EYS: variants seen among roughly 807,000 people sequenced by gnomAD.
EYS encodes the protein protein eyes shut homolog.
Under a neutral mutation model 282.1 loss-of-function variants are expected in EYS, and 250 were observed. The ratio of observed to expected loss-of-function variants is 0.89; its 90% CI spans 0.80 to 0.98. The LOEUF (loss-of-function observed/expected upper bound fraction) is 0.98, where lower values mean the gene tolerates loss of function less well. EYS is among the 50% of genes least tolerant of loss of function. The probability of loss-of-function intolerance (pLI) is 0.00; values close to 1 mark genes in which losing one functional copy is unlikely to be tolerated. For synonymous variants in EYS, 1,355 were observed against 1,282.9 expected (o/e 1.06, Z -1.20); for missense variants, 4,016 against 3,709.0 (o/e 1.08, Z -2.15).
In EYS at chr6:64,823,185, A is replaced by G. The variant is rs17486740; in HGVS notation, c.2993-363T>C. 9.9e-3 allele frequency among the ~76,000 whole-genome samples: 1,502 copies of G among 151,996 alleles called. 14 individuals are homozygous for G. Among genetic ancestry groups the G allele is most frequent in the Middle Eastern group, 0.021 (6 of 292 alleles). On this transcript the variant is annotated intron_variant, in intron 19 of 42. Coordinates refer to ENST00000503581, the MANE Select transcript of EYS (RefSeq NM_001142800.2). ...TTTGAGAGTCAAACGTTTATTACCT[A>G]CAAGAATTAAGAATGAGTTTGAAGT... is the stretch of plus-strand genomic sequence containing the variant.
intron 30 of EYS, among the ~76,000 whole-genome samples, chr6:64,294,627 T>C (rs1227470572): frequency 6.6e-6 from 1 of 152,174 alleles, no homozygotes; most frequent in Admixed American, 6.5e-5. Flanking sequence ...GCTTCAATTC[T>C]CATAGTGTCA....
chr6:64,398,715 A>T (rs888427038), intron 28 of EYS, among the ~76,000 whole-genome samples: 1 of 151,840 alleles, frequency 6.6e-6, no homozygotes, highest in African/African-American at 2.4e-5. Context: ...AAATCCTCCT[A>T]TCTGTATAAT....
intron 16 of EYS, among the ~76,000 whole-genome samples, chr6:64,903,694 C>A (rs1179958776): frequency 6.6e-6 from 1 of 152,122 alleles, no homozygotes; most frequent in Non-Finnish European, 1.5e-5. Flanking sequence ...AAAATTCCCT[C>A]GGTATTTTCT....
intron 22 of EYS, among the ~76,000 whole-genome samples, chr6:64,662,141 C>T (rs1274920188): frequency 1.3e-5 from 2 of 149,096 alleles, no homozygotes; most frequent in Non-Finnish European, 3.0e-5. Context: ...GGACAAAAAA[C>T]CAAACACCAC....
chr6:65,198,406 C>A (rs1765821426), intron 12 of EYS, among the ~76,000 whole-genome samples: 1 of 152,070 alleles, frequency 6.6e-6, no homozygotes, highest in African/African-American at 2.4e-5. Flanking sequence ...AATACATAAG[C>A]CAGTCTCACA....
intron 19 of EYS, among the ~76,000 whole-genome samples, chr6:64,857,816 G>T (rs528783998): frequency 1.3e-5 from 2 of 152,128 alleles, no homozygotes; most frequent in South Asian, 4.2e-4. Flanking sequence ...TAATGAGAGA[G>T]AATTAATTGT....
chr6:65,139,618 C>T (rs956992904), intron 12 of EYS, among the ~76,000 whole-genome samples: 1 of 152,084 alleles, frequency 6.6e-6, no homozygotes, highest in South Asian at 2.1e-4. Context: ...CCCGCTCCCA[C>T]CCTCATCTTC....
chr6:65,113,549 T>A (rs1775281588), intron 12 of EYS, among the ~76,000 whole-genome samples: 1 of 152,068 alleles, frequency 6.6e-6, no homozygotes, highest in Admixed American at 6.6e-5. Context: ...AATGGCAGTA[T>A]CTTCTAGCTG....
chr6:64,905,046 C>T (rs1277625213), intron 16 of EYS, among the ~76,000 whole-genome samples: 4 of 152,162 alleles, frequency 2.6e-5, no homozygotes, highest in Non-Finnish European at 5.9e-5. Context: ...TGCATAACAA[C>T]ATTTTGGTCA....
chr6:63,829,260 G>A (rs1034106081), intron 36 of EYS, among the ~76,000 whole-genome samples: 1 of 152,150 alleles, frequency 6.6e-6, no homozygotes, highest in Non-Finnish European at 1.5e-5. Context: ...GGAGCAAGGT[G>A]GGGTATCACC....
At chr6:64,199,250 A>G (rs1765391620) in intron 31 of EYS, among the ~76,000 whole-genome samples, 1 of 152,194 alleles carries the variant, frequency 6.6e-6, no homozygotes, top group Non-Finnish European at 1.5e-5. Flanking sequence ...AGACCAATGT[A>G]ACAGAACAGT....
At chr6:65,274,737 A>G (rs1172268609) in intron 12 of EYS, among the ~76,000 whole-genome samples, 1 of 152,138 alleles carries the variant, frequency 6.6e-6, no homozygotes, top group Non-Finnish European at 1.5e-5. Flanking sequence ...AGTAGCAACT[A>G]CTCTGGACCA....
intron 29 of EYS, among the ~76,000 whole-genome samples, chr6:64,332,810 A>G (rs1770696930): frequency 6.6e-6 from 1 of 152,354 alleles, no homozygotes; most frequent in East Asian, 1.9e-4. Flanking sequence ...AATGATAGAT[A>G]AGTAAATGTG....
At chr6:65,127,687 CAT>C (rs1316968759) in intron 12 of EYS, among the ~76,000 whole-genome samples, 3 of 152,024 alleles carry the variant, frequency 2.0e-5, no homozygotes, top group Non-Finnish European at 2.9e-5. Flanking sequence ...GCATTGAACA[CAT>C]GTTTACTCAG....
chr6:64,075,868 C>T (rs1449395891), intron 32 of EYS, among the ~76,000 whole-genome samples: 2 of 151,834 alleles, frequency 1.3e-5, no homozygotes, highest in Non-Finnish European at 2.9e-5. Context: ...CTATTTTAGG[C>T]GAAGTTTAAT....
intron 19 of EYS, among the ~76,000 whole-genome samples, chr6:64,873,138 G>C (rs1055365606): frequency 1.3e-5 from 2 of 152,070 alleles, no homozygotes; most frequent in East Asian, 3.9e-4. Context: ...AGGACTTACT[G>C]TTCCACATGG....
intron 26 of EYS, among the ~76,000 whole-genome samples, chr6:64,450,446 C>T (rs1775286268): frequency 6.6e-6 from 1 of 152,162 alleles, no homozygotes; most frequent in Admixed American, 6.5e-5. Context: ...TTAGACAGAT[C>T]AACGAGACAG....
At chr6:64,803,872 C>A (rs1442324801) in intron 22 of EYS, among the ~76,000 whole-genome samples, 1 of 152,216 alleles carries the variant, frequency 6.6e-6, no homozygotes, top group Non-Finnish European at 1.5e-5. Context: ...CAAGAGCAGG[C>A]ACTTCCAAGA....
intron 30 of EYS, among the ~76,000 whole-genome samples, chr6:64,279,671 C>T (rs149251021): frequency 7.2e-5 from 11 of 152,190 alleles, no homozygotes; most frequent in South Asian, 2.1e-4. Flanking sequence ...TATCCTTAGG[C>T]GGAGGAATAC....
Sources: allele counts gnomAD v4.1 joint callset (sites outside exome capture counted in the v4.1 genomes callset), GRCh38; gene constraint gnomAD v4.1.1; transcripts MANE v1.5; gene names NCBI Gene and HGNC (gene_info 2026-07-23, HGNC 2026-07-21).